Variants in DAPK2 observed in about 807,000 individuals in gnomAD.
DAPK2 encodes the protein death-associated protein kinase 2.
In DAPK2, 35 loss-of-function variants were observed where a neutral mutation model predicts 44.1. The ratio of observed to expected loss-of-function variants is 0.79; its 90% CI spans 0.61 to 1.05. The LOEUF (loss-of-function observed/expected upper bound fraction) is 1.05. DAPK2 is among the 50% of genes least tolerant of loss of function. The probability of loss-of-function intolerance (pLI) is 0.00; values close to 1 mark genes in which losing one functional copy is unlikely to be tolerated. For missense variants in DAPK2, 453 were observed against 483.2 expected (o/e 0.94, Z 0.59); for synonymous variants, 174 against 182.6 (o/e 0.95, Z 0.38).
chr15:63,967,880 G>T (rs2078100801), intron 3 of DAPK2, among the ~76,000 whole-genome samples: 1 of 152,078 alleles, frequency 6.6e-6, no homozygotes, highest in Non-Finnish European at 1.5e-5. Context: ...TCTATTACCT[G>T]CCCCTTCAAG....
chr15:64,040,318 G>A (rs936456678), upstream of DAPK2: 2 of 1,437,620 alleles, frequency 1.4e-6, no homozygotes, highest in Admixed American at 3.3e-5. Flanking sequence ...ATTAGCACAA[G>A]CCTAAGAGTC....
chr15:64,044,195 C>A (rs2080409206), upstream of DAPK2, among the ~76,000 whole-genome samples: 1 of 152,140 alleles, frequency 6.6e-6, no homozygotes, highest in Non-Finnish European at 1.5e-5. Flanking sequence ...GAAGCACAGG[C>A]CATCAGCTCC....
intron 1 of DAPK2, among the ~76,000 whole-genome samples, chr15:64,006,530 C>A (rs936005389): frequency 2.1e-4 from 32 of 152,170 alleles, no homozygotes; most frequent in African/African-American, 7.2e-4. Context: ...TCCCACTTCA[C>A]CAAAGCAGGG....
rs983037813 is a variant in DAPK2 at position 63,990,682 on chromosome 15, G to A, written c.93-6928C>T. Among the ~76,000 whole-genome samples, 19 of 152,082 alleles carry A rather than the reference G, an allele frequency of 1.2e-4. 1 individual carries two copies. The highest frequency in any genetic ancestry group is 4.3e-4 in the African/African-American group (18 of 41,390). On this transcript the variant is annotated intron_variant, in intron 1 of 10. Coordinates refer to ENST00000261891, the Ensembl canonical transcript of DAPK2. The surrounding 1 kb of genome is among the most constrained non-coding windows in gnomAD (Gnocchi z 4.3). Reference sequence around the variant, plus strand: ...GGCTTCCTCCTCCTGCTTCCCCACCGCAGACACCGCAGTTCCTCTTTCCAC... The same window carrying A: ...GGCTTCCTCCTCCTGCTTCCCCACCACAGACACCGCAGTTCCTCTTTCCAC...
chr15:64,010,543 C>T (rs2079363426), intron 1 of DAPK2, among the ~76,000 whole-genome samples: 1 of 152,142 alleles, frequency 6.6e-6, no homozygotes. Flanking sequence ...CAGCCTCAAA[C>T]CAGTTATTTC....
At chr15:64,040,251 G>T (rs2080317630) in exon 1 of DAPK2, 1 of 1,613,704 alleles carries the variant, frequency 6.2e-7, no homozygotes, top group Admixed American at 1.7e-5. Context: ...CCTCATTGAG[G>T]CCTGGAACAT....
chr15:63,970,699 T>C (rs1362375384), intron 3 of DAPK2, among the ~76,000 whole-genome samples: 3 of 152,212 alleles, frequency 2.0e-5, no homozygotes, highest in Non-Finnish European at 4.4e-5. Context: ...AAACAGGTCA[T>C]AGAATTGATC....
At chr15:64,006,837 G>A (rs562730668) in intron 1 of DAPK2, among the ~76,000 whole-genome samples, 6 of 152,272 alleles carry the variant, frequency 3.9e-5, no homozygotes. Flanking sequence ...GGCAGCTGGA[G>A]GAGGTGAGGC....
At chr15:63,941,025 T>G (rs1405199269) in intron 3 of DAPK2, among the ~76,000 whole-genome samples, 1 of 152,210 alleles carries the variant, frequency 6.6e-6, no homozygotes, top group Non-Finnish European at 1.5e-5. Context: ...GTGAATAAAT[T>G]ATATAGTATG....
chr15:64,026,095 C>T (rs1338454362), intron 1 of DAPK2, among the ~76,000 whole-genome samples: 1 of 152,144 alleles, frequency 6.6e-6, no homozygotes, highest in Non-Finnish European at 1.5e-5. Context: ...GGGTGAGGGG[C>T]AATCTTGAGA....
Position 63,939,138 on chromosome 15 carries a change from T to C in DAPK2, c.583+94A>G. ...ATGTCCCAATGCATCATCTCTTTGC[T>C]CAGAGGCCATAGCCCCAGACACAGG... On this transcript the variant is annotated intron_variant, in intron 4 of 10. Transcript: ENST00000261891. The surrounding 1 kb of genome is among the most constrained non-coding windows in gnomAD (Gnocchi z 4.3). 1.9e-6 allele frequency: 3 copies of C among 1,557,630 alleles called. No individual in the cohort carries two copies. Among genetic ancestry groups the C allele is most frequent in the Non-Finnish European group, 2.6e-6 (3 of 1,154,784 alleles).
chr15:63,929,956 C>A (rs746442227), intron 5 of DAPK2: 5 of 443,546 alleles, frequency 1.1e-5, no homozygotes, highest in Admixed American at 3.0e-5. Context: ...GCTTGGCCAA[C>A]TATAAAGCAG....
chr15:63,941,915 C>T (rs2077320129), intron 3 of DAPK2, among the ~76,000 whole-genome samples: 1 of 152,206 alleles, frequency 6.6e-6, no homozygotes, highest in African/African-American at 2.4e-5. Flanking sequence ...CAGTCAGCTG[C>T]AACCTCCCAA....
intron 1 of DAPK2, among the ~76,000 whole-genome samples, chr15:63,997,986 C>T (rs1285262587): frequency 2.6e-5 from 4 of 152,232 alleles, no homozygotes; most frequent in Non-Finnish European, 2.9e-5. Context: ...TAAACACCAA[C>T]AAATAGGATT....
At chr15:64,040,245 A>G in exon 1 of DAPK2, 1 of 1,613,884 alleles carries the variant, frequency 6.2e-7, no homozygotes, top group Non-Finnish European at 8.5e-7. Context: ...TGGACTCCTC[A>G]TTGAGGCCTG....
chr15:63,959,736 G>A (rs1239289246), intron 3 of DAPK2, among the ~76,000 whole-genome samples: 1 of 152,210 alleles, frequency 6.6e-6, no homozygotes, highest in East Asian at 1.9e-4. Context: ...GCTTTGTGAC[G>A]TGCTGCTGGA....
At chr15:64,009,844 G>A (rs139845525) in intron 1 of DAPK2, among the ~76,000 whole-genome samples, 1 of 152,278 alleles carries the variant, frequency 6.6e-6, no homozygotes, top group East Asian at 1.9e-4. Flanking sequence ...CACTGTAAGA[G>A]AGGCACCTTA....
At position 63,980,864 on chromosome 15, in the gene DAPK2, C is replaced by T. The variant is rs563900776; in HGVS notation, c.314+2669G>A. Among the ~76,000 whole-genome samples the T allele has an allele frequency of 3.6e-4, 55 of 152,178 alleles. No individual in the cohort carries two copies. Among genetic ancestry groups the T allele is most frequent in the African/African-American group, 1.2e-3 (51 of 41,524 alleles). ...CAACGCTTTGGGAGGCCAAGGCAGG[C>T]GGATCATCTAAGGTCAGGAGTTCGA... On this transcript the variant is annotated intron_variant, in intron 2 of 10. Transcript: ENST00000261891. This position sits in a 1 kb window ranked among gnomAD's most constrained non-coding sequence, Gnocchi z 4.3.
intron 5 of DAPK2, 42 bp downstream of exon 6, chr15:63,930,365 T>C: frequency 6.2e-7 from 1 of 1,602,896 alleles, no homozygotes; most frequent in East Asian, 2.2e-5. Context: ...CTTCCGCCCT[T>C]GGAAGGATCG....
Sources: gnomAD v4.1 joint callset for allele counts (sites outside exome capture counted in the v4.1 genomes callset) on GRCh38, gnomAD v4.1.1 for gene constraint, Gnocchi (gnomAD v3.1) non-coding constraint, MANE v1.5 for transcripts, NCBI Gene and HGNC (gene_info 2026-07-23, HGNC 2026-07-21) for gene names.